Variants in INTS2 observed in about 807,000 individuals in gnomAD.
The protein encoded by INTS2 is KIAA1287.
INTS2 carries 57 observed loss-of-function variants against 139.6 expected under a neutral mutation model. The observed-to-expected ratio is 0.41, with a 90% CI of 0.33 to 0.51. The LOEUF (loss-of-function observed/expected upper bound fraction) is 0.51, where lower values mean the gene tolerates loss of function less well. Ranked by LOEUF, INTS2 falls within the 20% of genes least tolerant of loss-of-function variation. The probability of loss-of-function intolerance (pLI) is 0.28; values close to 1 mark genes in which losing one functional copy is unlikely to be tolerated. For missense variants in INTS2, 1,196 were observed against 1,436.7 expected (o/e 0.83, Z 2.71); for synonymous variants, 473 against 493.4 (o/e 0.96, Z 0.55).
At chr17:61,884,150 G>A (rs935046958) in intron 16 of INTS2, among the ~76,000 whole-genome samples, 2 of 152,062 alleles carry the variant, frequency 1.3e-5, no homozygotes, top group African/African-American at 4.8e-5. Flanking sequence ...TACCTGTACT[G>A]ATATGTAAAG....
At chr17:61,895,272 G>A (rs771527803) in intron 12 of INTS2, 43 bp downstream of exon 12, 1 of 1,154,738 alleles carries the variant, frequency 8.7e-7, no homozygotes, top group East Asian at 2.5e-5. Context: ...AAAGAATATT[G>A]TAAAAGAAAG....
chr17:61,925,639 C>A (rs1440406603), intron 2 of INTS2, among the ~76,000 whole-genome samples: 1 of 152,104 alleles, frequency 6.6e-6, no homozygotes, highest in Non-Finnish European at 1.5e-5. Flanking sequence ...TTAACACTCA[C>A]TTCCACTGAT....
Position 61,874,954 on chromosome 17 carries a change from T to C in INTS2, c.2541A>G (p.Ile847Met). The C allele has an allele frequency of 6.3e-7, 1 of 1,598,352 alleles. No homozygotes were observed. Among genetic ancestry groups the C allele is most frequent in the Non-Finnish European group, 8.5e-7 (1 of 1,171,406 alleles). ...CACACCTTAGGACAATGAGAGGATC[T>C]ATCATCAGGTCATTCTGAGTATACT... is the stretch of plus-strand genomic sequence containing the variant. ...QQKYTQNDLM[I>M]DPLIVLRCDQ... The change falls in exon 19 of 25, where the codon ATA (isoleucine) becomes ATG (methionine). Residue 847 changes from isoleucine to methionine, a missense_variant. Ile to Met is a conservative substitution (Grantham distance 10, BLOSUM62 1). Transcript: ENST00000251334.
intron 12 of INTS2, 35 bp downstream of exon 12, chr17:61,895,280 A>G: frequency 1.6e-6 from 2 of 1,245,296 alleles, no homozygotes; most frequent in Non-Finnish European, 2.3e-6. Flanking sequence ...TTGTAAAAGA[A>G]AGTTAAATAA....
intron 3 of INTS2, among the ~76,000 whole-genome samples, chr17:61,924,032 G>T (rs1368051692): frequency 6.6e-6 from 1 of 152,060 alleles, no homozygotes; most frequent in East Asian, 1.9e-4. Context: ...TTACCCAAAG[G>T]TCTATGACCT....
Position 61,868,777 on chromosome 17 carries a change from C to CTA in INTS2, c.3244+255_3244+256dup, listed in dbSNP as rs1269616652. 1.3e-5 allele frequency among the ~76,000 whole-genome samples: 2 copies of CTA among 152,046 alleles called. No homozygotes were observed. Among genetic ancestry groups the CTA allele is most frequent in the Admixed American group, 6.6e-5 (1 of 15,264 alleles). ...ATACAGAAAGCTTATATTTACAAATCTATATATACTCATTCACAAAATGAA... is the reference window on the plus strand; with the variant it reads ...ATACAGAAAGCTTATATTTACAAATCTATATATATACTCATTCACAAAATGAA... On this transcript the variant is annotated intron_variant, in intron 23 of 24. Coordinates refer to ENST00000251334, the MANE Select transcript of INTS2 (RefSeq NM_001351695.2). The surrounding 1 kb of genome is among the most constrained non-coding windows in gnomAD (Gnocchi z 4.7).
chr17:61,877,072 T>G (rs1476168342), intron 18 of INTS2, among the ~76,000 whole-genome samples: 1 of 152,132 alleles, frequency 6.6e-6, no homozygotes, highest in Admixed American at 6.5e-5. Context: ...AGGGGCAATG[T>G]GTATTAGAAG....
chr17:61,897,519 T>G lies in INTS2; in HGVS notation c.1444A>C (p.Asn482His). The change falls in exon 11 of 25, where the codon AAC becomes CAC. Residue 482 changes from asparagine to histidine, a missense_variant. This residue lies in a region of INTS2 where 1,129 missense variants were observed against 1,341.9 expected (regional missense o/e 0.84). Coordinates refer to ENST00000251334, the MANE Select transcript of INTS2 (RefSeq NM_001351695.2). The surrounding 1 kb of genome is among the most constrained non-coding windows in gnomAD (Gnocchi z 4.4). ...AAGTCAATGATAGCACTAAGCTGGT[T>G]GCTGTGAAAGTACATAGCCACCAAT... ...LLLVAMYFHSNQLSAIIDLVC... is the reference protein window; with the variant it reads ...LLLVAMYFHSHQLSAIIDLVC... The G allele has an allele frequency of 6.2e-7, 1 of 1,605,206 alleles. No individual in the cohort carries two copies. The highest frequency in any genetic ancestry group is 2.2e-5 in the East Asian group (1 of 44,688).
At position 61,866,790 on chromosome 17, in the gene INTS2, TG is replaced by T. The variant is rs1356223632; in HGVS notation, c.*766del. 2 of 152,190 alleles carry T rather than the reference TG, an allele frequency of 1.3e-5. No individual in the cohort carries two copies. The highest frequency in any genetic ancestry group is 2.4e-5 in the African/African-American group (1 of 41,446). 9.4% of individuals were successfully genotyped at this position (152,190 alleles called of 1,614,324 possible). On this transcript the variant is annotated 3_prime_UTR_variant, in exon 25 of 25. Coordinates refer to ENST00000251334, the MANE Select transcript of INTS2 (RefSeq NM_001351695.2). Reference sequence around the variant, plus strand: ...AATAAATTTAAAACATAAAACTAAATGAGATCTCTCAGGTTCTTCTTTGAAC... The same window carrying T: ...AATAAATTTAAAACATAAAACTAAATAGATCTCTCAGGTTCTTCTTTGAAC...
rs181719512 is a variant in INTS2, at chr17:61,892,562, T to C, written c.1699-873A>G. On this transcript the variant is annotated intron_variant, in intron 13 of 24. Coordinates refer to ENST00000251334, the MANE Select transcript of INTS2 (RefSeq NM_001351695.2). The stretch of plus-strand genomic sequence containing the variant: ...ATCCCAACACTTCGGGAGGCCGAAG[T>C]AGGAGAATTGCTTGAGACCAGGAGT... Among the ~76,000 whole-genome samples, 61 of 151,940 alleles carry C rather than the reference T, an allele frequency of 4.0e-4. 2 individuals are homozygous for C. The East Asian group carries it at 0.011, about 27-fold the overall frequency.
Position 61,872,438 on chromosome 17 carries a change from T to G in INTS2, c.2605A>C (p.Thr869Pro), listed in dbSNP as rs777603977. Residue 869 changes from threonine to proline, a missense_variant, in exon 20 of 25, where the codon ACC (threonine) becomes CCC (proline). Physicochemically the swap from Thr to Pro is conservative, Grantham distance 38. This residue lies in a region of INTS2 where 1,129 missense variants were observed against 1,341.9 expected (regional missense o/e 0.84). Coordinates refer to ENST00000251334, the MANE Select transcript of INTS2 (RefSeq NM_001351695.2). The surrounding 1 kb of genome is among the most constrained non-coding windows in gnomAD (Gnocchi z 4.8). ...AGATATCCATTCAACATGTGTAGGG[T>G]AATATCCATCAGTGGGGGGCATCTA... is the stretch of plus-strand genomic sequence containing the variant. ...VHRCPPLMDI[T>P]LHMLNGYLLA... The G allele has an allele frequency of 1.3e-6, 2 of 1,597,694 alleles. No individual in the cohort carries two copies. Among genetic ancestry groups the G allele is most frequent in the Non-Finnish European group, 1.7e-6 (2 of 1,169,246 alleles).
rs1443055591 is a variant in INTS2 at position 61,870,848 on chromosome 17, T to C, written c.2779-860A>G. Among the ~76,000 whole-genome samples, 3 of 152,192 alleles carry C rather than the reference T, an allele frequency of 2.0e-5. No homozygotes were observed. The highest frequency in any genetic ancestry group is 7.2e-5 in the African/African-American group (3 of 41,450). On this transcript the variant is annotated intron_variant, in intron 20 of 24. Transcript: ENST00000251334. This position sits in a 1 kb window ranked among gnomAD's most constrained non-coding sequence, Gnocchi z 4.4. The stretch of plus-strand genomic sequence containing the variant: ...TTGTTGACTCAGGAGCCAGAGTGCC[T>C]AGGAGTGAATCCTGGTTCTGACATT...
rs1567911765 is a variant in INTS2 at position 61,909,824 on chromosome 17, T to TAC, written c.954+1695_954+1696insGT. Reference sequence around the variant, plus strand: ...ATACGTGTGTGTGTACATGTGTGTATGTGTGTGTGTGTGTGTGTGTGTGTG... The same window carrying TAC: ...ATACGTGTGTGTGTACATGTGTGTATACGTGTGTGTGTGTGTGTGTGTGTGTG... On this transcript the variant is annotated intron_variant, in intron 7 of 24. Coordinates refer to ENST00000251334, the MANE Select transcript of INTS2 (RefSeq NM_001351695.2). This position sits in a 1 kb window ranked among gnomAD's most constrained non-coding sequence, Gnocchi z 4.9. Among the ~76,000 whole-genome samples, 22 of 5,962 alleles carry TAC rather than the reference T, an allele frequency of 3.7e-3. No individual in the cohort carries two copies. Among genetic ancestry groups the TAC allele is most frequent in the East Asian group, 0.014 (3 of 218 alleles). 3.9% of individuals were successfully genotyped at this position (5,962 alleles called of 152,430 possible).
chr17:61,879,865 A>G (rs959683899), intron 17 of INTS2, among the ~76,000 whole-genome samples: 42 of 152,166 alleles, frequency 2.8e-4, no homozygotes, highest in Non-Finnish European at 3.7e-4. Flanking sequence ...AAGAAAAAAT[A>G]TTGGCCATAT....
At chr17:61,919,311 C>A in intron 5 of INTS2, 89 bp downstream of exon 5, 2 of 646,990 alleles carry the variant, frequency 3.1e-6, no homozygotes, top group African/African-American at 1.9e-5. Context: ...AAATAAAATC[C>A]CATTAATGTT....
At position 61,882,189 on chromosome 17, in the gene INTS2, T is replaced by C. The variant is rs754181097; in HGVS notation, c.2090-1018A>G. On this transcript the variant is annotated intron_variant, in intron 16 of 24. Transcript: ENST00000251334. The surrounding 1 kb of genome is among the most constrained non-coding windows in gnomAD (Gnocchi z 4.7). ...TACAAAGTAAGCAATGCCTCCATTCTACTGTAAGGAACAAACAATGCTGAA... is the reference window on the plus strand; with the variant it reads ...TACAAAGTAAGCAATGCCTCCATTCCACTGTAAGGAACAAACAATGCTGAA... 3.7e-4 allele frequency among the ~76,000 whole-genome samples: 56 copies of C among 152,328 alleles called. 1 individual carries two copies. Among genetic ancestry groups the C allele is most frequent in the South Asian group, 4.1e-4 (2 of 4,826 alleles).
At position 61,891,620 on chromosome 17, in the gene INTS2, C is replaced by T; in HGVS notation, c.1768G>A (p.Val590Met). ...LHPQLLPLID[V>M]YINSILTPAS... is the part of the protein sequence containing the mutation. ...GGAGTAAGTATAGAATTTATGTACA[C>T]ATCAATCAAAGGAAGTAATTGAGGA... The change falls in exon 14 of 25, where the codon GTG becomes ATG. Residue 590 changes from valine to methionine, a missense_variant. Val to Met is a conservative substitution (Grantham distance 21). Around this residue, in one of 3 missense-constraint regions of INTS2, gnomAD observed 1,129 missense variants for 1,341.9 expected, o/e 0.84. Transcript: ENST00000251334. 8 of 1,613,180 alleles carry T rather than the reference C, an allele frequency of 5.0e-6. No homozygotes were observed. Among genetic ancestry groups the T allele is most frequent in the Non-Finnish European group, 6.8e-6 (8 of 1,179,244 alleles).
At chr17:61,916,761 C>A (rs1264892706) in intron 5 of INTS2, among the ~76,000 whole-genome samples, 1 of 152,084 alleles carries the variant, frequency 6.6e-6, no homozygotes. Context: ...TAGCCAAGTC[C>A]TCAAAAGCAA....
rs2079089269 is a variant in INTS2 at position 61,871,619 on chromosome 17, C to T, written c.2778+646G>A. ...AGTTCCTGGAACAATACTTGGCACACAGTAGGTGTCCCAGTAAATATTGGT... is the reference window on the plus strand; with the variant it reads ...AGTTCCTGGAACAATACTTGGCACATAGTAGGTGTCCCAGTAAATATTGGT... On this transcript the variant is annotated intron_variant, in intron 20 of 24. Transcript: ENST00000251334. This position sits in a 1 kb window ranked among gnomAD's most constrained non-coding sequence, Gnocchi z 4.9. 6.6e-6 allele frequency among the ~76,000 whole-genome samples: 1 copy of T among 152,150 alleles called. No homozygotes were observed. Among genetic ancestry groups the T allele is most frequent in the Admixed American group, 6.5e-5 (1 of 15,268 alleles).
Sources: gnomAD v4.1 joint callset for allele counts (sites outside exome capture counted in the v4.1 genomes callset) on GRCh38, gnomAD v4.1.1 for gene constraint, gnomAD v4.1.1 regional missense constraint, Gnocchi (gnomAD v3.1) non-coding constraint, MANE v1.5 for transcripts, NCBI Gene and HGNC (gene_info 2026-07-23, HGNC 2026-07-21) for gene names.